The following MGAT4C variants were observed in gnomAD, a reference collection of about 807,000 sequenced individuals.
MGAT4C encodes the protein MGAT4 family member C, also known as alpha-1,3-mannosyl-glycoprotein 4-beta-N-acetylglucosaminyltransferase C.
MGAT4C carries 19 observed loss-of-function variants against 40.1 expected under a neutral mutation model. That is an observed-to-expected ratio of 0.47 (90% confidence interval 0.33 to 0.70). The LOEUF is 0.70. Among genes scored for constraint, MGAT4C ranks in the 30% least tolerant of loss-of-function variants. MGAT4C has a pLI of 0.02. For synonymous variants in MGAT4C, 181 were observed against 187.1 expected, an observed-to-expected ratio of 0.97 and a Z score of 0.27; for missense variants, 491 against 563.2, an observed-to-expected ratio of 0.87 and a Z score of 1.30.
chr12:86,283,389 T>C (rs193118678), intron 4 of MGAT4C, among the ~76,000 whole-genome samples: 114 of 152,076 alleles, frequency 7.5e-4, no homozygotes, highest in Non-Finnish European at 1.2e-3. Flanking sequence ...ATTTATGTTA[T>C]ATCAAGTTAT....
chr12:86,586,829 T>C (rs1359238889), intron 2 of MGAT4C, among the ~76,000 whole-genome samples: 1 of 151,984 alleles, frequency 6.6e-6, no homozygotes, highest in East Asian at 1.9e-4. Flanking sequence ...TTTGTTGGAG[T>C]TCATTGTAGA....
At position 86,086,864 on chromosome 12, in the gene MGAT4C, A is replaced by C. The variant is rs546459952; in HGVS notation, c.-56-37141T>G. ...TTTCTGGTAACCATCATTCTTCTCT[A>C]TATTTCCCTGAGTTCAGTTTTTCTT... On this transcript the variant is annotated intron_variant, in intron 1 of 4. Coordinates refer to ENST00000611864, the MANE Select transcript of MGAT4C (RefSeq NM_001351288.2). Among the ~76,000 whole-genome samples the C allele has an allele frequency of 2.5e-3, 377 of 151,862 alleles. 1 individual carries two copies. The highest frequency in any genetic ancestry group is 4.7e-3 in the Non-Finnish European group (320 of 67,898).
At chr12:86,738,981 A>G (rs1329137783) in intron 1 of MGAT4C, among the ~76,000 whole-genome samples, 3 of 150,732 alleles carry the variant, frequency 2.0e-5, no homozygotes, top group African/African-American at 4.8e-5. Context: ...GACAAAAGGA[A>G]GATTTTTGGT....
intron 2 of MGAT4C, among the ~76,000 whole-genome samples, chr12:86,560,880 A>G (rs921343829): frequency 1.3e-5 from 2 of 152,168 alleles, no homozygotes; most frequent in African/African-American, 4.8e-5. Flanking sequence ...ACAAAATCTT[A>G]TATAAAGATA....
chr12:86,494,768 A>C (rs1400576117), intron 2 of MGAT4C, among the ~76,000 whole-genome samples: 2 of 152,004 alleles, frequency 1.3e-5, no homozygotes, highest in African/African-American at 4.8e-5. Flanking sequence ...ACTCAAATAG[A>C]GAAATAGAGG....
At position 86,774,315 on chromosome 12, in the gene MGAT4C, C is replaced by CTT. The variant is rs755767593; in HGVS notation, c.-261-47076_-261-47075dup. Among the ~76,000 whole-genome samples, 22 of 59,392 alleles carry CTT rather than the reference C, an allele frequency of 3.7e-4. 1 individual carries two copies. The highest frequency in any genetic ancestry group is 1.0e-3 in the East Asian group (2 of 1,938). The allele number at this position is 59,392 out of a possible 152,430, so 39.0% of individuals were successfully genotyped here. A position where few individuals can be genotyped will look rare whatever the true frequency, so the allele number is the denominator to read the frequency against. On this transcript the variant is annotated intron_variant, in intron 1 of 7. Coordinates refer to the MGAT4C transcript ENST00000548651. ...TCTTTCTTTCTTTCTTTCTTTCTTT[C>CTT]TTTCTTTCTTTCTTTCTTTCTTTCT...
chr12:86,619,583 A>G (rs575688192), intron 2 of MGAT4C, among the ~76,000 whole-genome samples: 2 of 152,196 alleles, frequency 1.3e-5, no homozygotes, highest in Non-Finnish European at 2.9e-5. Context: ...TCCTTCAAAT[A>G]TTCTATACAA....
At chr12:86,705,360 A>G (rs1284094716) in intron 2 of MGAT4C, among the ~76,000 whole-genome samples, 1 of 152,062 alleles carries the variant, frequency 6.6e-6, no homozygotes, top group East Asian at 1.9e-4. Flanking sequence ...GTCAAGGGAA[A>G]GCACATAATT....
At chr12:86,010,585 G>C (rs568137258) in intron 2 of MGAT4C, among the ~76,000 whole-genome samples, 1 of 152,318 alleles carries the variant, frequency 6.6e-6, no homozygotes, top group African/African-American at 2.4e-5. Context: ...GGCTGAGACA[G>C]GAGAATTGCT....
intron 2 of MGAT4C, among the ~76,000 whole-genome samples, chr12:86,668,093 C>T (rs1017609856): frequency 6.6e-6 from 1 of 152,178 alleles, no homozygotes; most frequent in African/African-American, 2.4e-5. Context: ...AATATTACTT[C>T]TATATCTTTG....
intron 1 of MGAT4C, among the ~76,000 whole-genome samples, chr12:86,053,424 T>C (rs1406000704): frequency 6.6e-6 from 1 of 151,806 alleles, no homozygotes; most frequent in Non-Finnish European, 1.5e-5. Flanking sequence ...CCCTGGGCAG[T>C]ATTCAAACAC....
At chr12:86,555,447 T>C (rs532815088) in intron 2 of MGAT4C, among the ~76,000 whole-genome samples, 13 of 152,154 alleles carry the variant, frequency 8.5e-5, no homozygotes, top group Non-Finnish European at 1.8e-4. Flanking sequence ...TCTTGGAACA[T>C]GTCCGGGGTC....
chr12:86,267,942 TG>T (rs1360006782), intron 4 of MGAT4C, among the ~76,000 whole-genome samples: 3 of 152,062 alleles, frequency 2.0e-5, no homozygotes, highest in African/African-American at 7.2e-5. Context: ...ACTAACATAG[TG>T]GCAGTAGGAC....
chr12:86,636,942 C>T (rs532679620), intron 2 of MGAT4C, among the ~76,000 whole-genome samples: 5 of 151,840 alleles, frequency 3.3e-5, no homozygotes, highest in Admixed American at 6.6e-5. Context: ...CATATTTCAA[C>T]ATAGTAATTT....
At chr12:86,291,686 A>G (rs935835368) in intron 4 of MGAT4C, among the ~76,000 whole-genome samples, 2 of 152,184 alleles carry the variant, frequency 1.3e-5, no homozygotes, top group Non-Finnish European at 2.9e-5. Context: ...TGCAGATTAC[A>G]AAGCATGAAT....
rs1386253462 is a variant in MGAT4C, at chr12:86,340,404, T to TCAACAAAAGA, written c.-119-6278_-119-6277insTCTTTTGTTG. On this transcript the variant is annotated intron_variant, in intron 3 of 7. Coordinates refer to the MGAT4C transcript ENST00000548651. ...AAAAAATGTTTAGCTTGAAAGCCTA[T>TCAACAAAAGA]ATTCAACAAAAAGAATGATTTAAAA... is the stretch of plus-strand genomic sequence containing the variant. Among the ~76,000 whole-genome samples the TCAACAAAAGA allele has an allele frequency of 3.0e-4, 46 of 152,082 alleles. No individual in the cohort carries two copies. In the East Asian group the frequency reaches 7.8e-3, roughly 26 times the overall value.
chr12:86,342,563 A>T (rs941268308), intron 3 of MGAT4C, among the ~76,000 whole-genome samples: 3 of 152,162 alleles, frequency 2.0e-5, no homozygotes, highest in African/African-American at 7.2e-5. Flanking sequence ...TGTCTCCCAC[A>T]GGTCCCACAT....
chr12:86,782,793 C>T (rs551055190), intron 1 of MGAT4C, among the ~76,000 whole-genome samples: 1 of 151,764 alleles, frequency 6.6e-6, no homozygotes, highest in African/African-American at 2.4e-5. Context: ...GGAAAAGCTA[C>T]GTGAAGACAC....
chr12:86,299,648 A>C (rs1328419348), intron 4 of MGAT4C, among the ~76,000 whole-genome samples: 2 of 152,198 alleles, frequency 1.3e-5, no homozygotes, highest in Admixed American at 1.3e-4. Context: ...GAAATTATAT[A>C]ATATTTAATG....
Sources: allele counts gnomAD v4.1 joint callset (sites outside exome capture counted in the v4.1 genomes callset), GRCh38; gene constraint gnomAD v4.1.1; transcripts MANE v1.5; gene names NCBI Gene and HGNC (gene_info 2026-07-23, HGNC 2026-07-21).